RPGRIP1: variants seen among roughly 807,000 people sequenced by gnomAD.
RPGRIP1 encodes X-linked retinitis pigmentosa GTPase regulator-interacting protein 1.
In RPGRIP1, 128 loss-of-function variants were observed where a neutral mutation model predicts 157.9. That is an observed-to-expected ratio of 0.81 (90% CI 0.70 to 0.94). The LOEUF (loss-of-function observed/expected upper bound fraction) is 0.94. RPGRIP1 is among the 40% of genes least tolerant of loss of function. The probability of loss-of-function intolerance (pLI) is 0.00; values close to 1 mark genes in which losing one functional copy is unlikely to be tolerated. For synonymous variants in RPGRIP1, 554 were observed against 571.6 expected (o/e 0.97, Z 0.44); for missense variants, 1,486 against 1,545.8 (o/e 0.96, Z 0.65).
intron 8 of RPGRIP1, among the ~76,000 whole-genome samples, chr14:21,311,622 A>G (rs1369192959): frequency 6.6e-6 from 1 of 152,206 alleles, no homozygotes; most frequent in East Asian, 1.9e-4. Flanking sequence ...CCAGAATGGA[A>G]ACCCTACCTA....
intron 1 of RPGRIP1, among the ~76,000 whole-genome samples, chr14:21,286,127 T>A (rs1880289496): frequency 6.6e-6 from 1 of 152,002 alleles, no homozygotes; most frequent in Non-Finnish European, 1.5e-5. Context: ...GTAGCTGCGA[T>A]TAAAGGCACC....
rs1243025284 is a variant in RPGRIP1, at chr14:21,307,850, A to G, written c.906+14A>G. On this transcript the variant is annotated intron_variant, in intron 7 of 24. Coordinates refer to ENST00000400017, the MANE Select transcript of RPGRIP1 (RefSeq NM_020366.4). Reference sequence around the variant, plus strand: ...GAAGTTCAAGAGGTGAGTTGCCATCATCAGCTGTGCTTTCTTGGTGGGGGG... The same window carrying G: ...GAAGTTCAAGAGGTGAGTTGCCATCGTCAGCTGTGCTTTCTTGGTGGGGGG... The G allele has an allele frequency of 1.4e-6, 2 of 1,447,500 alleles. No homozygotes were observed. Among genetic ancestry groups the G allele is most frequent in the Non-Finnish European group, 1.9e-6 (2 of 1,067,246 alleles). 89.7% of individuals were successfully genotyped at this position (1,447,500 alleles called of 1,614,324 possible).
At chr14:21,281,704 A>AAATAATAAT (rs59116272) in intron 1 of RPGRIP1, among the ~76,000 whole-genome samples, 13,007 of 133,804 alleles carry the variant, frequency 0.097, 752 homozygotes, top group Middle Eastern at 0.16. Flanking sequence ...AAAAAAAAAT[A>AAATAATAAT]AATAATAATA....
intron 2 of RPGRIP1, among the ~76,000 whole-genome samples, chr14:21,292,384 C>T (rs1287478795): frequency 6.6e-6 from 1 of 151,416 alleles, no homozygotes; most frequent in Non-Finnish European, 1.5e-5. Flanking sequence ...ATTTTGATGT[C>T]ACAAATAGAT....
rs535922252 is a variant in RPGRIP1, at chr14:21,324,747, A to G, written c.1892A>G (p.His631Arg). The change falls in exon 15 of 25, where the codon CAC (histidine) becomes CGC (arginine). Residue 631 changes from histidine (H) to arginine (R), a missense_variant. His to Arg is a conservative substitution (Grantham distance 29). Transcript: ENST00000400017. ...LHQGENLFEL[H>R]IHQAFLTSAA... ...CAGGGTGAGAATCTTTTTGAACTGC[A>G]CATCCACCAGGCCTTCCTGACATCT... 1.8e-5 allele frequency: 29 copies of G among 1,613,918 alleles called. No individual in the cohort carries two copies. The highest frequency in any genetic ancestry group is 2.2e-5 in the Non-Finnish European group (26 of 1,179,892).
At position 21,307,765 on chromosome 14, in the gene RPGRIP1, C is replaced by T. The variant is rs1198319376; in HGVS notation, c.835C>T (p.Leu279Phe). ...TAAAGAGAAGGTAGAGCTGATTCGACTTAAGAAGCTCTTACATGAAAGAAA... is the reference window on the plus strand; with the variant it reads ...TAAAGAGAAGGTAGAGCTGATTCGATTTAAGAAGCTCTTACATGAAAGAAA... Reference protein sequence around the residue: ...SIKEKVELIRLKKLLHERNAS... With the variant: ...SIKEKVELIRFKKLLHERNAS... The change falls in exon 7 of 25, where the codon CTT becomes TTT. Residue 279 changes from leucine to phenylalanine, a missense_variant. Coordinates refer to ENST00000400017, the MANE Select transcript of RPGRIP1 (RefSeq NM_020366.4). The T allele has an allele frequency of 8.9e-6, 14 of 1,568,070 alleles. No individual in the cohort carries two copies. Among genetic ancestry groups the T allele is most frequent in the Non-Finnish European group, 1.2e-5 (14 of 1,155,964 alleles).
intron 1 of RPGRIP1, among the ~76,000 whole-genome samples, chr14:21,281,704 A>AAAAAAAAAAT (rs368706187): frequency 6.7e-5 from 9 of 133,996 alleles, no homozygotes; most frequent in African/African-American, 2.7e-4. Context: ...AAAAAAAAAT[A>AAAAAAAAAAT]AATAATAATA....
At chr14:21,288,724 G>A (rs1214505150) in intron 2 of RPGRIP1, among the ~76,000 whole-genome samples, 1 of 151,820 alleles carries the variant, frequency 6.6e-6, no homozygotes, top group Non-Finnish European at 1.5e-5. Context: ...ATGTTGGCCA[G>A]GCTGATCTCG....
chr14:21,311,280 G>A (rs925848061), intron 8 of RPGRIP1, among the ~76,000 whole-genome samples: 4 of 152,344 alleles, frequency 2.6e-5, no homozygotes, highest in South Asian at 2.1e-4. Context: ...GGCCAGGCGC[G>A]GTGGCTCACG....
At chr14:21,281,525 C>G (rs1381067208) in intron 1 of RPGRIP1, among the ~76,000 whole-genome samples, 1 of 151,498 alleles carries the variant, frequency 6.6e-6, no homozygotes, top group Non-Finnish European at 1.5e-5. Context: ...CCTGTCTCTA[C>G]TAAGAATAGA....
intron 1 of RPGRIP1, among the ~76,000 whole-genome samples, chr14:21,286,011 GAC>G (rs1184543201): frequency 1.3e-5 from 2 of 151,936 alleles, no homozygotes; most frequent in Non-Finnish European, 2.9e-5. Flanking sequence ...TTGTTTTTTA[GAC>G]AGTTTTGCTC....
chr14:21,288,589 A>G (rs905549896), intron 2 of RPGRIP1, among the ~76,000 whole-genome samples: 34 of 150,422 alleles, frequency 2.3e-4, no homozygotes, highest in Admixed American at 1.0e-3. Context: ...ATCTTGGCTC[A>G]CTGCAACCTA....
chr14:21,344,938 T>TCA (rs138358355), intron 22 of RPGRIP1, among the ~76,000 whole-genome samples, 175 bp from the exon 23 acceptor site: 108 of 150,738 alleles, frequency 7.2e-4, no homozygotes, highest in Admixed American at 2.0e-3. Flanking sequence ...TAAGAATCTG[T>TCA]CACACACACA....
In RPGRIP1 at chr14:21,330,611, A is replaced by G. The variant is rs911154946; in HGVS notation, c.3238+224A>G. 2.6e-5 allele frequency among the ~76,000 whole-genome samples: 4 copies of G among 152,244 alleles called. No homozygotes were observed. In the East Asian group the frequency reaches 7.7e-4, roughly 29 times the overall value. ...AACCCAGGAGGAGGAGGTTGCAGTG[A>G]GCCGAGATTGCACCACTGCACTCCT... On this transcript the variant is annotated intron_variant, in intron 20 of 24. Transcript: ENST00000400017.
chr14:21,349,043 A>G (rs1885869145), intron 24 of RPGRIP1, among the ~76,000 whole-genome samples: 1 of 149,522 alleles, frequency 6.7e-6, no homozygotes, highest in Non-Finnish European at 1.5e-5. Context: ...TCTACTTGTG[A>G]ATTGACTATG....
chr14:21,328,591 T>TCTTA lies in RPGRIP1; in HGVS notation c.3064_3067dup (p.Ser1023ThrfsTer2), dbSNP rs750041493. ...TTCAAGGAAAGAATAGAATGGAGTA[T>TCTTA]CTTAGCCTTAACATCTTAAATGGAA... On this transcript the variant is annotated frameshift_variant, in exon 19 of 25. Transcript: ENST00000400017. LOFTEE classifies it high-confidence loss of function. The TCTTA allele has an allele frequency of 6.2e-7, 1 of 1,613,694 alleles. No individual in the cohort carries two copies. Among genetic ancestry groups the TCTTA allele is most frequent in the Admixed American group, 1.7e-5 (1 of 60,006 alleles).
At chr14:21,347,750 A>G (rs1038718409) in intron 23 of RPGRIP1, among the ~76,000 whole-genome samples, 1 of 151,982 alleles carries the variant, frequency 6.6e-6, no homozygotes, top group Non-Finnish European at 1.5e-5. Context: ...TCTTTTAGAG[A>G]CTGGGTCTCG....
intron 1 of RPGRIP1, among the ~76,000 whole-genome samples, chr14:21,283,772 C>T (rs575891350): frequency 6.6e-6 from 1 of 152,124 alleles, no homozygotes; most frequent in East Asian, 1.9e-4. Flanking sequence ...ATTCTCCTGC[C>T]TCAGCCTCCC....
intron 7 of RPGRIP1, among the ~76,000 whole-genome samples, chr14:21,310,017 C>T (rs1415986323): frequency 2.4e-5 from 3 of 123,176 alleles, no homozygotes; most frequent in East Asian, 2.5e-4. Flanking sequence ...CCTGGGAAGC[C>T]GAGGTTGCAG....
Sources: gnomAD v4.1 joint callset for allele counts (sites outside exome capture counted in the v4.1 genomes callset) on GRCh38, gnomAD v4.1.1 for gene constraint, MANE v1.5 for transcripts, NCBI Gene and HGNC (gene_info 2026-07-23, HGNC 2026-07-21) for gene names.